Variants in ALB observed in about 807,000 individuals in gnomAD.
The protein encoded by ALB is serum albumin.
A neutral mutation model predicts 74.5 loss-of-function variants in ALB; 37 were observed. The observed-to-expected ratio is 0.50, with a 90% CI of 0.38 to 0.65. The LOEUF (loss-of-function observed/expected upper bound fraction) is 0.65. Ranked by LOEUF, ALB falls within the 30% of genes least tolerant of loss-of-function variation. The pLI is 0.00. For missense variants in ALB, 685 were observed against 718.7 expected (o/e 0.95, Z 0.54); for synonymous variants, 249 against 251.6 (o/e 0.99, Z 0.10).
chr4:73,414,162 A>G (rs4621399), intron 8 of ALB, among the ~76,000 whole-genome samples: 65,720 of 152,030 alleles, frequency 0.43, 14,527 homozygotes, highest in Admixed American at 0.53. Context: ...AAATGTTTAC[A>G]TATTGTCAGA....
At position 73,405,097 on chromosome 4, in the gene ALB, T is replaced by C; in HGVS notation, c.80-19T>C. 6.2e-7 allele frequency: 1 copy of C among 1,611,816 alleles called. No homozygotes were observed. The highest frequency in any genetic ancestry group is 8.5e-7 in the Non-Finnish European group (1 of 1,178,052). ...TTTCTTCAGTATTTAACAATCCTTT[T>C]TTTTCTTCCCTTGCCCAGACAAGAG... is the stretch of plus-strand genomic sequence containing the variant. On this transcript the variant is annotated intron_variant, in intron 1 of 14. Coordinates refer to ENST00000295897, the MANE Select transcript of ALB (RefSeq NM_000477.7).
chr4:73,407,871 C>T (rs1007072164), intron 3 of ALB, among the ~76,000 whole-genome samples: 2 of 152,128 alleles, frequency 1.3e-5, no homozygotes, highest in Admixed American at 1.3e-4. Flanking sequence ...ATCACTGGAG[C>T]CTTTCCCCTT....
At chr4:73,410,694 G>A (rs912108373) in intron 6 of ALB, among the ~76,000 whole-genome samples, 5 of 151,948 alleles carry the variant, frequency 3.3e-5, no homozygotes, top group Non-Finnish European at 7.4e-5. Flanking sequence ...ATAAAATCTT[G>A]GACTCTTATT....
chr4:73,411,980 G>A lies in ALB; in HGVS notation c.714-16G>A. 1 of 1,613,880 alleles carries A rather than the reference G, an allele frequency of 6.2e-7. No homozygotes were observed. The highest frequency in any genetic ancestry group is 8.5e-7 in the Non-Finnish European group (1 of 1,179,930). On this transcript the variant is annotated splice_polypyrimidine_tract_variant and intron_variant, in intron 6 of 14. Transcript: ENST00000295897. The stretch of plus-strand genomic sequence containing the variant: ...TCGCATGATAATACCATTTTGATTG[G>A]CGATTTTCTTTTTAGGGCAGTAGCT...
chr4:73,415,305 T>A, intron 9 of ALB, 138 bp downstream of exon 9: 4 of 1,048,016 alleles, frequency 3.8e-6, no homozygotes, highest in South Asian at 1.4e-5. Context: ...TCTGGAATCT[T>A]AAACATGAAA....
intron 1 of ALB, chr4:73,404,909 T>C (rs1718678501): frequency 1.7e-6 from 1 of 586,754 alleles, no homozygotes; most frequent in Non-Finnish European, 3.0e-6. Flanking sequence ...ATTTTTAAAA[T>C]AGTATTCTTG....
rs1427438792 is a variant in ALB, at chr4:73,412,033, G to C, written c.751G>C (p.Glu251Gln). ...CCTGAGCCAGAGATTTCCCAAAGCT[G>C]AGTTTGCAGAAGTTTCCAAGTTAGT... ...ARLSQRFPKA[E>Q]FAEVSKLVTD... The change falls in exon 7 of 15, where the codon GAG (glutamate) becomes CAG (glutamine). Residue 251 changes from glutamate to glutamine, a missense_variant. By Grantham distance (29) the Glu-to-Gln change is conservative. Coordinates refer to ENST00000295897, the MANE Select transcript of ALB (RefSeq NM_000477.7). 3.7e-6 allele frequency: 6 copies of C among 1,614,178 alleles called. No homozygotes were observed. Among genetic ancestry groups the C allele is most frequent in the Non-Finnish European group, 5.1e-6 (6 of 1,180,018 alleles).
Position 73,416,250 on chromosome 4 carries a change from T to C in ALB, c.1192-6T>C, listed in dbSNP as rs1477388477. On this transcript the variant is annotated splice_polypyrimidine_tract_variant and splice_region_variant and intron_variant, in intron 9 of 14. Coordinates refer to ENST00000295897, the MANE Select transcript of ALB (RefSeq NM_000477.7). ...ATACTATTAACACAATTCTTTTATG[T>C]TTCAGTTCGATGAATTTAAACCTCT... 1 of 1,611,568 alleles carries C rather than the reference T, an allele frequency of 6.2e-7. No homozygotes were observed. Among genetic ancestry groups the C allele is most frequent in the South Asian group, 1.1e-5 (1 of 90,986 alleles).
At chr4:73,419,289 C>G (rs1719089064) in intron 12 of ALB, 1 of 558,662 alleles carries the variant, frequency 1.8e-6, no homozygotes, top group African/African-American at 1.9e-5. Flanking sequence ...AGTTGGTCTT[C>G]CCACCAACTC....
intron 2 of ALB, among the ~76,000 whole-genome samples, chr4:73,405,515 T>C (rs983593714): frequency 1.3e-4 from 20 of 152,210 alleles, no homozygotes; most frequent in African/African-American, 1.2e-4. Context: ...AGGACTTTAA[T>C]ATAGGTTTCC....
rs1289436086 is a variant in ALB, at chr4:73,408,728, C to T, written c.405C>T (p.Asn135=). ...TGCAACACAAAGATGACAACCCAAACCTCCCCCGATTGGTGAGACCAGAGG... is the reference window on the plus strand; with the variant it reads ...TGCAACACAAAGATGACAACCCAAATCTCCCCCGATTGGTGAGACCAGAGG... ...CFLQHKDDNP[N]LPRLVRPEVD... Residue 135 remains asparagine (N), a synonymous_variant, in exon 4 of 15, where the codon AAC becomes AAT. Coordinates refer to ENST00000295897, the MANE Select transcript of ALB (RefSeq NM_000477.7). The T allele has an allele frequency of 6.2e-7, 1 of 1,614,068 alleles. No homozygotes were observed. The highest frequency in any genetic ancestry group is 8.5e-7 in the Non-Finnish European group (1 of 1,179,950).
At position 73,408,772 on chromosome 4, in the gene ALB, C is replaced by G; in HGVS notation, c.449C>G (p.Ala150Gly). 1 of 1,613,790 alleles carries G rather than the reference C, an allele frequency of 6.2e-7. No individual in the cohort carries two copies. The change falls in exon 4 of 15, where the codon GCT (alanine) becomes GGT (glycine). Residue 150 changes from alanine (A) to glycine (G), a missense_variant. By Grantham distance (60) the Ala-to-Gly change is moderately conservative (BLOSUM62 0). Coordinates refer to ENST00000295897, the MANE Select transcript of ALB (RefSeq NM_000477.7). ...CCAGAGGTTGATGTGATGTGCACTG[C>G]TTTTCATGACAATGAAGAGACATTT... ...VRPEVDVMCT[A>G]FHDNEETFLK...
At position 73,405,113 on chromosome 4, in the gene ALB, C is replaced by T. The variant is rs768875088; in HGVS notation, c.80-3C>T. On this transcript the variant is annotated splice_polypyrimidine_tract_variant and splice_region_variant and intron_variant, in intron 1 of 14. Transcript: ENST00000295897. The stretch of plus-strand genomic sequence containing the variant: ...CAATCCTTTTTTTTCTTCCCTTGCC[C>T]AGACAAGAGTGAGGTTGCTCATCGG... 1.9e-6 allele frequency: 3 copies of T among 1,613,392 alleles called. No individual in the cohort carries two copies. Among genetic ancestry groups the T allele is most frequent in the Non-Finnish European group, 1.7e-6 (2 of 1,179,554 alleles).
chr4:73,417,750 A>C, intron 11 of ALB, 81 bp downstream of exon 11: 1 of 1,281,706 alleles, frequency 7.8e-7, no homozygotes, highest in Non-Finnish European at 1.1e-6. Context: ...TTTCATAAGC[A>C]GAAGGAAGTA....
At chr4:73,414,921 T>C (rs1718975188) in intron 8 of ALB, 114 bp from the exon 9 acceptor site, 6 of 1,323,530 alleles carry the variant, frequency 4.5e-6, no homozygotes, top group Non-Finnish European at 5.4e-6. Context: ...CTTTACTGCA[T>C]GGGGTTTAGT....
In ALB at chr4:73,404,384, G is replaced by C. The variant is rs978356536; in HGVS notation, c.57G>C (p.Arg19Ser). 1.2e-6 allele frequency: 2 copies of C among 1,613,534 alleles called. No individual in the cohort carries two copies. Among genetic ancestry groups the C allele is most frequent in the African/African-American group, 1.3e-5 (1 of 74,956 alleles). Reference protein sequence around the residue: ...LLFLFSSAYSRGVFRRDAHKS... With the variant: ...LLFLFSSAYSSGVFRRDAHKS... ...TTCTCTTTAGCTCGGCTTATTCCAG[G>C]GGTGTGTTTCGTCGAGATGCACGTA... is the stretch of plus-strand genomic sequence containing the variant. The change falls in exon 1 of 15, where the codon AGG becomes AGC. Residue 19 changes from arginine (R) to serine (S), a missense_variant. Physicochemically the swap from Arg to Ser is moderately radical, Grantham distance 110. Transcript: ENST00000295897.
intron 14 of ALB, among the ~76,000 whole-genome samples, chr4:73,420,572 A>G (rs1467153800): frequency 2.6e-5 from 4 of 152,186 alleles, no homozygotes; most frequent in Non-Finnish European, 4.4e-5. Context: ...AAAGGGTCAA[A>G]ATTCAAAATT....
rs572188169 is a variant in ALB, at chr4:73,406,263, A to C, written c.138-366A>C. On this transcript the variant is annotated intron_variant, in intron 2 of 14. Transcript: ENST00000295897. Reference sequence around the variant, plus strand: ...GACAGAGTGAGACTCTGTCTCAAAAAAGAAAAAGGAAATCTGTGGGGTTTG... The same window carrying C: ...GACAGAGTGAGACTCTGTCTCAAAACAGAAAAAGGAAATCTGTGGGGTTTG... 2.6e-5 allele frequency among the ~76,000 whole-genome samples: 4 copies of C among 152,288 alleles called. No homozygotes were observed. In the South Asian group the frequency reaches 8.3e-4, roughly 32 times the overall value.
chr4:73,409,951 T>A (rs1298647692), intron 5 of ALB, among the ~76,000 whole-genome samples: 1 of 152,118 alleles, frequency 6.6e-6, no homozygotes. Flanking sequence ...AGTTTACTGA[T>A]GTTGGTGGAG....
Sources: allele counts gnomAD v4.1 joint callset (sites outside exome capture counted in the v4.1 genomes callset), GRCh38; gene constraint gnomAD v4.1.1; transcripts MANE v1.5; gene names NCBI Gene and HGNC (gene_info 2026-07-23, HGNC 2026-07-21).